ROBO1: variants seen among roughly 807,000 people sequenced by gnomAD.
ROBO1 encodes the protein roundabout guidance receptor 1.
In ROBO1, 149 loss-of-function variants were observed where a neutral mutation model predicts 195.9. That is an observed-to-expected ratio of 0.76 (90% CI 0.67 to 0.87). The LOEUF (loss-of-function observed/expected upper bound fraction) is 0.87, where lower values mean the gene tolerates loss of function less well. Ranked by LOEUF, ROBO1 falls within the 40% of genes least tolerant of loss-of-function variation. The pLI is 0.00. For synonymous variants in ROBO1, 816 were observed against 733.2 expected, an observed-to-expected ratio of 1.11 and a Z score of -1.82; for missense variants, 1,933 against 2,068.3, an observed-to-expected ratio of 0.93 and a Z score of 1.27.
chr3:79,541,092 T>G (rs1278262801), intron 2 of ROBO1, among the ~76,000 whole-genome samples: 1 of 152,120 alleles, frequency 6.6e-6, no homozygotes, highest in Admixed American at 6.6e-5. Flanking sequence ...TTCATACTGA[T>G]TATAAAAACA....
Position 78,600,202 on chromosome 3 carries a change from C to T in ROBO1, c.4852G>A (p.Glu1618Lys). The change falls in exon 30 of 31, where the codon GAA (glutamate) becomes AAA (lysine). Residue 1618 changes from glutamate (E) to lysine (K), a missense_variant. Physicochemically the swap from Glu to Lys is moderately conservative, Grantham distance 56. Coordinates refer to ENST00000464233, the MANE Select transcript of ROBO1 (RefSeq NM_002941.4). ...SSRGSGSRQR[E>K]QANVGRRNIA... ...TTTCTTCGACCTACATTTGCTTGTT[C>T]TCTTTGTCTGCTTCCTGATCCTCTT... 1 of 1,613,560 alleles carries T rather than the reference C, an allele frequency of 6.2e-7. No homozygotes were observed. Among genetic ancestry groups the T allele is most frequent in the Non-Finnish European group, 8.5e-7 (1 of 1,179,638 alleles).
rs185765932 is a variant in ROBO1 at position 79,064,189 on chromosome 3, A to G, written c.172+61267T>C. On this transcript the variant is annotated intron_variant, in intron 3 of 30. Coordinates refer to ENST00000464233, the MANE Select transcript of ROBO1 (RefSeq NM_002941.4). ...CAGTGTATACATGTATTGAAGCATC[A>G]CACTGTACCCTATAAATATATACAG... Among the ~76,000 whole-genome samples the G allele has an allele frequency of 2.8e-4, 43 of 152,104 alleles. 2 individuals are homozygous for G. The East Asian group carries it at 8.4e-3, about 30-fold the overall frequency.
At position 79,589,923 on chromosome 3, in the gene ROBO1, C is replaced by T. The variant is rs1358146140; in HGVS notation, c.-12G>A. 3 of 1,594,434 alleles carry T rather than the reference C, an allele frequency of 1.9e-6. No individual in the cohort carries two copies. The highest frequency in any genetic ancestry group is 1.7e-5 in the Admixed American group (1 of 59,642). The stretch of plus-strand genomic sequence containing the variant: ...TGTTTCCATTTCATCTTTGTCCCTT[C>T]CTTGCATTACAACCAGCCAGTGACA... On this transcript the variant is annotated 5_prime_UTR_variant, in exon 2 of 31. Transcript: ENST00000464233.
intron 2 of ROBO1, among the ~76,000 whole-genome samples, chr3:79,332,841 A>G (rs1174890958): frequency 1.3e-5 from 2 of 152,228 alleles, no homozygotes; most frequent in East Asian, 1.9e-4. Context: ...TAATAAATCA[A>G]ACACAGTCTC....
intron 2 of ROBO1, among the ~76,000 whole-genome samples, chr3:79,565,689 C>A (rs1178728780): frequency 6.6e-6 from 1 of 151,972 alleles, no homozygotes; most frequent in Non-Finnish European, 1.5e-5. Context: ...GAAGGGCTGA[C>A]CAATTGTAGG....
chr3:78,972,525 T>C (rs1295195117), intron 3 of ROBO1, among the ~76,000 whole-genome samples: 3 of 152,228 alleles, frequency 2.0e-5, no homozygotes, highest in Admixed American at 6.5e-5. Context: ...AGTTGTATTA[T>C]AAGCTCACTA....
intron 1 of ROBO1, among the ~76,000 whole-genome samples, chr3:79,716,804 T>C (rs890046419): frequency 1.3e-5 from 2 of 151,948 alleles, no homozygotes; most frequent in African/African-American, 4.8e-5. Context: ...ACTAGGTTAT[T>C]AAAGAGATGT....
At chr3:78,823,525 G>A (rs903193440) in intron 4 of ROBO1, among the ~76,000 whole-genome samples, 3 of 152,100 alleles carry the variant, frequency 2.0e-5, no homozygotes, top group Admixed American at 6.5e-5. Context: ...TTTAAGGATC[G>A]TCCATATATA....
At chr3:79,230,325 T>C (rs1399134233) in intron 2 of ROBO1, among the ~76,000 whole-genome samples, 1 of 152,170 alleles carries the variant, frequency 6.6e-6, no homozygotes, top group Non-Finnish European at 1.5e-5. Context: ...ATTTTTAAAC[T>C]ATCAGGCTTC....
At chr3:79,549,378 TGA>T (rs1176355224) in intron 2 of ROBO1, among the ~76,000 whole-genome samples, 2 of 152,312 alleles carry the variant, frequency 1.3e-5, no homozygotes, top group African/African-American at 4.8e-5. Flanking sequence ...TGGCATCTTA[TGA>T]GAGCACTCAG....
chr3:78,804,619 A>C (rs1000644565), intron 4 of ROBO1, among the ~76,000 whole-genome samples: 1 of 152,118 alleles, frequency 6.6e-6, no homozygotes, highest in African/African-American at 2.4e-5. Context: ...GTAGAGGGAA[A>C]AAAATAAAGT....
intron 2 of ROBO1, among the ~76,000 whole-genome samples, chr3:79,212,631 G>A (rs1182504601): frequency 6.6e-6 from 1 of 151,716 alleles, no homozygotes; most frequent in East Asian, 1.9e-4. Context: ...ACCAGCCTGG[G>A]TAACACGGTG....
At chr3:79,123,087 T>A (rs1177443505) in intron 3 of ROBO1, among the ~76,000 whole-genome samples, 1 of 152,020 alleles carries the variant, frequency 6.6e-6, no homozygotes. Context: ...AAAATTGCAT[T>A]GCACATTCTC....
intron 1 of ROBO1, among the ~76,000 whole-genome samples, chr3:79,610,044 A>G (rs1266083555): frequency 2.0e-5 from 3 of 151,940 alleles, no homozygotes; most frequent in Non-Finnish European, 4.4e-5. Context: ...AATTATAAAT[A>G]GACTAAAATA....
intron 3 of ROBO1, among the ~76,000 whole-genome samples, chr3:78,969,684 G>A (rs544421872): frequency 5.3e-5 from 8 of 152,248 alleles, no homozygotes; most frequent in Non-Finnish European, 1.2e-4. Flanking sequence ...GTCTGGCAGA[G>A]CCACATGTGG....
chr3:79,102,368 G>C (rs371486901), intron 3 of ROBO1, among the ~76,000 whole-genome samples: 4 of 151,612 alleles, frequency 2.6e-5, no homozygotes, highest in African/African-American at 9.7e-5. Context: ...GTAACAAGAG[G>C]CCAAACCATC....
intron 1 of ROBO1, among the ~76,000 whole-genome samples, chr3:79,615,189 G>T (rs2107943166): frequency 6.6e-6 from 1 of 152,230 alleles, no homozygotes; most frequent in South Asian, 2.1e-4. Context: ...CCTGCTACCT[G>T]AAGGCTTCTT....
At chr3:79,553,005 C>T (rs542324096) in intron 2 of ROBO1, among the ~76,000 whole-genome samples, 1 of 151,942 alleles carries the variant, frequency 6.6e-6, no homozygotes, top group East Asian at 1.9e-4. Flanking sequence ...ATTTTTCTAA[C>T]CTCTATAACC....
chr3:78,876,586 G>A (rs1368713328), intron 4 of ROBO1, among the ~76,000 whole-genome samples: 1 of 152,138 alleles, frequency 6.6e-6, no homozygotes, highest in Non-Finnish European at 1.5e-5. Flanking sequence ...GTGAGATAAA[G>A]TAAAACCACA....
Sources: gnomAD v4.1 joint callset for allele counts (sites outside exome capture counted in the v4.1 genomes callset) on GRCh38, gnomAD v4.1.1 for gene constraint, MANE v1.5 for transcripts, NCBI Gene and HGNC (gene_info 2026-07-23, HGNC 2026-07-21) for gene names.